Variants in BCAT1 observed in about 807,000 individuals in gnomAD.
BCAT1 encodes branched-chain-amino-acid aminotransferase, cytosolic.
Under a neutral mutation model 52.4 loss-of-function variants are expected in BCAT1, and 48 were observed. The observed-to-expected ratio is 0.92, with a 90% confidence interval of 0.73 to 1.16. BCAT1 has a LOEUF of 1.16. BCAT1 is among the 50% of genes most tolerant of loss of function. The pLI is 0.00. For missense variants in BCAT1, 451 were observed against 457.1 expected (o/e 0.99, Z 0.12); for synonymous variants, 167 against 161.3 (o/e 1.04, Z -0.27).
At position 24,833,037 on chromosome 12, in the gene BCAT1, T is replaced by C. The variant is rs1405734867; in HGVS notation, c.904-174A>G. 3.3e-5 allele frequency among the ~76,000 whole-genome samples: 5 copies of C among 152,340 alleles called. No homozygotes were observed. In the East Asian group the frequency reaches 9.6e-4, roughly 29 times the overall value. On this transcript the variant is annotated intron_variant, in intron 8 of 10. Transcript: ENST00000261192. ...CTTACTGGTGAACACATCGAGGTGT[T>C]AAGTAACCTACTTCAAGGTCACAGA... is the stretch of plus-strand genomic sequence containing the variant.
At chr12:24,885,400 AATTTCATGCTC>A (rs1196382845) in intron 3 of BCAT1, among the ~76,000 whole-genome samples, 42 of 152,174 alleles carry the variant, frequency 2.8e-4, no homozygotes, top group African/African-American at 9.9e-4. Flanking sequence ...TGTAGAAAGC[AATTTCATGCTC>A]ATGGATAAAA....
chr12:24,834,550 T>G, intron 8 of BCAT1: 1 of 972,208 alleles, frequency 1.0e-6, no homozygotes, highest in Non-Finnish European at 1.2e-6. Flanking sequence ...AGATGAGTAT[T>G]TTTTCTTAAT....
chr12:24,835,550 ATTT>A (rs1230090069), intron 8 of BCAT1, among the ~76,000 whole-genome samples: 1 of 141,228 alleles, frequency 7.1e-6, no homozygotes, highest in Non-Finnish European at 1.5e-5. Context: ...TTTAAATTTT[ATTT>A]TATTTATTTA....
intron 10 of BCAT1, among the ~76,000 whole-genome samples, chr12:24,825,463 GT>G (rs71448089): frequency 0.24 from 35,136 of 146,024 alleles, 4,454 homozygotes; most frequent in Middle Eastern, 0.34. Context: ...GTTATTGCCT[GT>G]TTTTTTTTTT....
intron 1 of BCAT1, among the ~76,000 whole-genome samples, chr12:24,940,913 C>T (rs1943838460): frequency 6.6e-6 from 1 of 152,206 alleles, no homozygotes; most frequent in Non-Finnish European, 1.5e-5. Context: ...TCAATGAACA[C>T]TGCTCTAAGT....
At chr12:24,868,744 T>C (rs750550741) in intron 5 of BCAT1, among the ~76,000 whole-genome samples, 5 of 152,198 alleles carry the variant, frequency 3.3e-5, no homozygotes, top group Non-Finnish European at 7.3e-5. Context: ...AAAATTTCTT[T>C]AAAATGCATA....
intron 1 of BCAT1, among the ~76,000 whole-genome samples, chr12:24,923,971 A>C (rs1031738159): frequency 6.6e-6 from 1 of 152,174 alleles, no homozygotes; most frequent in Non-Finnish European, 1.5e-5. Flanking sequence ...ATTAAAAATC[A>C]AACAAAACAA....
At chr12:24,862,248 T>A (rs1941865634) in intron 5 of BCAT1, among the ~76,000 whole-genome samples, 1 of 152,236 alleles carries the variant, frequency 6.6e-6, no homozygotes, top group Non-Finnish European at 1.5e-5. Context: ...TTCTTTCTTG[T>A]GTGAGATCCA....
chr12:24,947,154 T>C (rs1943943449), intron 1 of BCAT1, among the ~76,000 whole-genome samples: 1 of 138,596 alleles, frequency 7.2e-6, no homozygotes, highest in African/African-American at 2.8e-5. Flanking sequence ...CCACTAGGCC[T>C]CCCGTCTTCC....
intron 1 of BCAT1, among the ~76,000 whole-genome samples, chr12:24,925,855 G>A (rs939339560): frequency 3.9e-5 from 6 of 152,220 alleles, no homozygotes; most frequent in African/African-American, 1.4e-4. Context: ...GCCTCCCGAG[G>A]TGCCGGGATT....
At chr12:24,849,712 A>T in intron 6 of BCAT1, 74 bp downstream of exon 6, 1 of 1,439,980 alleles carries the variant, frequency 6.9e-7, no homozygotes, top group South Asian at 1.4e-5. Flanking sequence ...ATGTGTTCAT[A>T]CTGAAGTGAA....
chr12:24,820,539 A>G (rs546342374), intron 10 of BCAT1, among the ~76,000 whole-genome samples: 29 of 152,260 alleles, frequency 1.9e-4, no homozygotes, highest in Non-Finnish European at 3.4e-4. Context: ...TACTCTTGTC[A>G]TTGTCATTAC....
At chr12:24,936,323 C>T (rs549189826) in intron 1 of BCAT1, among the ~76,000 whole-genome samples, 1 of 152,326 alleles carries the variant, frequency 6.6e-6, no homozygotes, top group African/African-American at 2.4e-5. Flanking sequence ...ATCTCTACCT[C>T]CCGGGTTCAA....
At chr12:24,891,903 C>T (rs1400230040) in intron 3 of BCAT1, among the ~76,000 whole-genome samples, 2 of 139,830 alleles carry the variant, frequency 1.4e-5, no homozygotes, top group Admixed American at 1.5e-4. Flanking sequence ...CGCCTGCCAC[C>T]ACGCCCGGCT....
At chr12:24,933,236 C>G (rs1335048606) in intron 1 of BCAT1, among the ~76,000 whole-genome samples, 1 of 146,930 alleles carries the variant, frequency 6.8e-6, no homozygotes, top group Non-Finnish European at 1.5e-5. Context: ...CCCAATGTGC[C>G]GAGATTACAG....
rs1404552207 is a variant in BCAT1 at position 24,834,630 on chromosome 12, AAAG to A, written c.904-1770_904-1768del. On this transcript the variant is annotated intron_variant, in intron 8 of 10. Coordinates refer to ENST00000261192, the MANE Select transcript of BCAT1 (RefSeq NM_005504.7). ...AATATTCAAAATATTTGAATATTTA[AAAG>A]AAGAACTCATGCTGTAAGTAGATTT... is the stretch of plus-strand genomic sequence containing the variant. 4.1e-6 allele frequency: 4 copies of A among 984,392 alleles called. No individual in the cohort carries two copies. The African/African-American group carries it at 5.2e-5, about 13-fold the overall frequency. 61.0% of individuals were successfully genotyped at this position (984,392 alleles called of 1,614,324 possible). A position where few individuals can be genotyped will look rare whatever the true frequency, so the allele number is the denominator to read the frequency against.
rs760111293 is a variant in BCAT1, at chr12:24,816,426, C to T, written c.*1582G>A. On this transcript the variant is annotated 3_prime_UTR_variant, in exon 11 of 11. Coordinates refer to ENST00000261192, the MANE Select transcript of BCAT1 (RefSeq NM_005504.7). ...CAAGATTTGACTTTCCTTAGATAAA[C>T]CACAAAGGATACAATTTTAACTCAC... 4.8e-5 allele frequency: 19 copies of T among 397,372 alleles called. 1 individual carries two copies. In the Admixed American group the frequency reaches 7.9e-4, roughly 17 times the overall value. 24.6% of individuals were successfully genotyped at this position (397,372 alleles called of 1,614,324 possible).
At chr12:24,826,685 A>G (rs1940411014) in intron 10 of BCAT1, among the ~76,000 whole-genome samples, 1 of 152,190 alleles carries the variant, frequency 6.6e-6, no homozygotes, top group Non-Finnish European at 1.5e-5. Flanking sequence ...AGTCATCAGT[A>G]TTTTAATAGG....
At chr12:24,843,516 T>C (rs1054283140) in intron 6 of BCAT1, among the ~76,000 whole-genome samples, 9 of 152,002 alleles carry the variant, frequency 5.9e-5, no homozygotes, top group African/African-American at 1.9e-4. Flanking sequence ...GGGAGGAGAA[T>C]CATCTTAACT....
Sources: gnomAD v4.1 joint callset for allele counts (sites outside exome capture counted in the v4.1 genomes callset) on GRCh38, gnomAD v4.1.1 for gene constraint, MANE v1.5 for transcripts, NCBI Gene and HGNC (gene_info 2026-07-23, HGNC 2026-07-21) for gene names.